Variants in UBE2D1 observed in about 807,000 individuals in gnomAD.
UBE2D1 encodes the protein ubiquitin conjugating enzyme E2 D1, also known as ubiquitin-conjugating enzyme E2 D1.
A neutral mutation model predicts 24.6 loss-of-function variants in UBE2D1; 9 were observed. The ratio of observed to expected loss-of-function variants is 0.37; its 90% CI spans 0.22 to 0.64. The LOEUF is 0.64. UBE2D1 is among the 30% of genes least tolerant of loss of function. The pLI is 0.64. For missense variants in UBE2D1, 87 were observed against 177.1 expected (o/e 0.49, Z 2.89); for synonymous variants, 57 against 57.6 (o/e 0.99, Z 0.04).
At chr10:58,339,306 A>G (rs1839936885) in intron 1 of UBE2D1, among the ~76,000 whole-genome samples, 1 of 152,076 alleles carries the variant, frequency 6.6e-6, no homozygotes, top group South Asian at 2.1e-4. Flanking sequence ...GGTTTTCACC[A>G]TGTTGGCCAG....
chr10:58,342,050 C>G (rs1054854675), intron 1 of UBE2D1, among the ~76,000 whole-genome samples: 3 of 152,130 alleles, frequency 2.0e-5, no homozygotes, highest in Non-Finnish European at 2.9e-5. Flanking sequence ...TCTTGATGGT[C>G]TCTGAGAAGC....
intron 5 of UBE2D1, among the ~76,000 whole-genome samples, chr10:58,366,108 A>C (rs1172260212): frequency 6.6e-6 from 1 of 152,196 alleles, no homozygotes; most frequent in Non-Finnish European, 1.5e-5. Context: ...GGGTTAATTC[A>C]AGTTCATACG....
At chr10:58,365,758 C>T (rs1426029222) in intron 5 of UBE2D1, among the ~76,000 whole-genome samples, 1 of 152,184 alleles carries the variant, frequency 6.6e-6, no homozygotes, top group Non-Finnish European at 1.5e-5. Flanking sequence ...TGCACTGAAG[C>T]AACCATCAAG....
At chr10:58,336,041 A>G (rs1839900512) in intron 1 of UBE2D1, among the ~76,000 whole-genome samples, 1 of 152,222 alleles carries the variant, frequency 6.6e-6, no homozygotes, top group Non-Finnish European at 1.5e-5. Context: ...GAAGAAATAT[A>G]TATCTTCATC....
intron 1 of UBE2D1, among the ~76,000 whole-genome samples, chr10:58,346,272 G>A (rs184702138): frequency 6.6e-6 from 1 of 151,888 alleles, no homozygotes; most frequent in Non-Finnish European, 1.5e-5. Context: ...TCAGACTCCC[G>A]AAGTGCTGGG....
At chr10:58,364,563 A>AG in intron 4 of UBE2D1, 1 of 488,162 alleles carries the variant, frequency 2.0e-6, no homozygotes, top group South Asian at 3.0e-5. Flanking sequence ...GGGCAAAAGA[A>AG]GGAAGCTGAC....
At chr10:58,368,289 T>G (rs1032465516) in intron 6 of UBE2D1, 11 of 309,988 alleles carry the variant, frequency 3.5e-5, no homozygotes, top group East Asian at 3.3e-4. Flanking sequence ...ATGAAAGAAT[T>G]TAATCATTGG....
At chr10:58,346,133 C>T (rs923501526) in intron 1 of UBE2D1, among the ~76,000 whole-genome samples, 1 of 151,986 alleles carries the variant, frequency 6.6e-6, no homozygotes, top group African/African-American at 2.4e-5. Context: ...GCCTCAGCCT[C>T]CCAAGTAGCT....
intron 1 of UBE2D1, among the ~76,000 whole-genome samples, chr10:58,345,172 T>C (rs1166944427): frequency 6.6e-6 from 1 of 152,004 alleles, no homozygotes; most frequent in Non-Finnish European, 1.5e-5. Flanking sequence ...GCCTATGTAA[T>C]AGATTTTTAA....
chr10:58,346,287 C>A (rs1840015481), intron 1 of UBE2D1, among the ~76,000 whole-genome samples: 1 of 152,196 alleles, frequency 6.6e-6, no homozygotes, highest in Non-Finnish European at 1.5e-5. Flanking sequence ...GCTGGGATTA[C>A]AGGCGTGAGC....
At chr10:58,338,860 A>G (rs1395489425) in intron 1 of UBE2D1, among the ~76,000 whole-genome samples, 1 of 152,208 alleles carries the variant, frequency 6.6e-6, no homozygotes, top group African/African-American at 2.4e-5. Context: ...CAACTCAGAG[A>G]ACTATTCCTT....
chr10:58,336,667 T>C (rs543676237), intron 1 of UBE2D1, among the ~76,000 whole-genome samples: 1 of 152,342 alleles, frequency 6.6e-6, no homozygotes, highest in Admixed American at 6.5e-5. Context: ...TTTGAAGCCT[T>C]AGCATCTTTA....
intron 1 of UBE2D1, among the ~76,000 whole-genome samples, chr10:58,351,217 TTTTC>T (rs1313410885): frequency 1.3e-5 from 2 of 152,150 alleles, no homozygotes; most frequent in Non-Finnish European, 1.5e-5. Flanking sequence ...TGAAAAATAT[TTTTC>T]TTTCTTCAAT....
intron 5 of UBE2D1, among the ~76,000 whole-genome samples, chr10:58,367,288 A>T (rs1228353319): frequency 6.7e-6 from 1 of 149,068 alleles, no homozygotes; most frequent in African/African-American, 2.6e-5. Context: ...CTTATTTCAG[A>T]TACTTAGATC....
chr10:58,360,975 C>T, intron 1 of UBE2D1: 1 of 462,244 alleles, frequency 2.2e-6, no homozygotes, highest in Non-Finnish European at 4.2e-6. Flanking sequence ...CCTTCATGCT[C>T]CCTCAATAGA....
intron 1 of UBE2D1, among the ~76,000 whole-genome samples, chr10:58,356,215 A>C (rs1170959239): frequency 6.6e-6 from 1 of 152,168 alleles, no homozygotes; most frequent in Admixed American, 6.6e-5. Flanking sequence ...AGAAAACATA[A>C]AGAAGTAGCA....
At chr10:58,336,386 A>G (rs1839903473) in intron 1 of UBE2D1, among the ~76,000 whole-genome samples, 1 of 152,192 alleles carries the variant, frequency 6.6e-6, no homozygotes, top group African/African-American at 2.4e-5. Flanking sequence ...TAGCAATAGT[A>G]TATGTTAGAG....
intron 1 of UBE2D1, among the ~76,000 whole-genome samples, chr10:58,346,986 G>T (rs746611514): frequency 4.4e-4 from 67 of 152,142 alleles, no homozygotes; most frequent in Non-Finnish European, 5.9e-4. Context: ...CACCTTCTTG[G>T]CCTTTCAAGT....
chr10:58,368,662 A>T lies in UBE2D1; in HGVS notation c.399-58A>T, dbSNP rs907524646. 4.0e-6 allele frequency: 5 copies of T among 1,254,986 alleles called. 1 individual carries two copies. In the South Asian group the frequency reaches 6.0e-5, roughly 15 times the overall value. The allele number at this position is 1,254,986 out of a possible 1,614,324, so 77.7% of individuals were successfully genotyped here. A position where few individuals can be genotyped will look rare whatever the true frequency, so the allele number is the denominator to read the frequency against. On this transcript the variant is annotated intron_variant, in intron 6 of 6. Coordinates refer to ENST00000373910, the MANE Select transcript of UBE2D1 (RefSeq NM_003338.5). The stretch of plus-strand genomic sequence containing the variant: ...TAGAATATATAGTTTTATTAGACAG[A>T]TGCTTCTGAAATATTAATTTTGTAT...
Sources: allele counts gnomAD v4.1 joint callset (sites outside exome capture counted in the v4.1 genomes callset), GRCh38; gene constraint gnomAD v4.1.1; transcripts MANE v1.5; gene names NCBI Gene and HGNC (gene_info 2026-07-23, HGNC 2026-07-21).